The following AK5 variants were observed in gnomAD, a reference collection of about 807,000 sequenced individuals.
The protein encoded by AK5 is adenylate kinase 5.
AK5 carries 27 observed loss-of-function variants against 69.5 expected under a neutral mutation model. That is an observed-to-expected ratio of 0.39 (90% CI 0.29 to 0.54). The LOEUF is 0.54. Ranked by LOEUF, AK5 falls within the 20% of genes least tolerant of loss-of-function variation. The pLI, the probability that AK5 is intolerant of heterozygous loss-of-function variation, is 0.71. For synonymous variants in AK5, 260 were observed against 244.4 expected, an observed-to-expected ratio of 1.06 and a Z score of -0.60; for missense variants, 531 against 700.4, an observed-to-expected ratio of 0.76 and a Z score of 2.73.
intron 8 of AK5, among the ~76,000 whole-genome samples, chr1:77,477,337 T>C (rs1456462881): frequency 6.6e-6 from 1 of 152,192 alleles, no homozygotes; most frequent in Non-Finnish European, 1.5e-5. Flanking sequence ...CTGGTTGTTC[T>C]TTTTAAATTA....
At chr1:77,428,910 A>G (rs1570105325) in intron 8 of AK5, among the ~76,000 whole-genome samples, 2 of 152,286 alleles carry the variant, frequency 1.3e-5, no homozygotes, top group East Asian at 3.9e-4. Context: ...AGCTTCATCC[A>G]TGTCCCTACA....
rs79439159 is a variant in AK5, at chr1:77,460,735, T to C, written c.1060-22582T>C. On this transcript the variant is annotated intron_variant, in intron 8 of 13. Coordinates refer to ENST00000354567, the MANE Select transcript of AK5 (RefSeq NM_174858.3). Reference sequence around the variant, plus strand: ...CATTTTATGTGGAATTTTTTTTTTTTCTTTTTGAGACAGAGTCTCACCCTG... The same window carrying C: ...CATTTTATGTGGAATTTTTTTTTTTCCTTTTTGAGACAGAGTCTCACCCTG... Among the ~76,000 whole-genome samples, 34 of 149,208 alleles carry C rather than the reference T, an allele frequency of 2.3e-4. No homozygotes were observed. In the South Asian group the frequency reaches 4.6e-3, roughly 20 times the overall value.
chr1:77,358,108 A>G (rs1662643903), intron 6 of AK5, among the ~76,000 whole-genome samples: 1 of 151,946 alleles, frequency 6.6e-6, no homozygotes, highest in Non-Finnish European at 1.5e-5. Flanking sequence ...AGAAGAATAT[A>G]AGAAGAAAGT....
Position 77,417,664 on chromosome 1 carries a change from G to A in AK5, c.1008G>A (p.Met336Ile). 1.2e-6 allele frequency: 2 copies of A among 1,609,932 alleles called. No homozygotes were observed. The highest frequency in any genetic ancestry group is 1.7e-6 in the Non-Finnish European group (2 of 1,177,156). ...AAGSSDLDPS[M>I]ILDTGEIIDT... The stretch of plus-strand genomic sequence containing the variant: ...GTTCAAGTGACCTTGATCCTTCGAT[G>A]ATATTGGACACTGGAGAGATCATTG... The change falls in exon 8 of 14, where the codon ATG (methionine) becomes ATA (isoleucine). Residue 336 changes from methionine (M) to isoleucine (I), a missense_variant. Transcript: ENST00000354567.
rs150529091 is a variant in AK5 at position 77,298,653 on chromosome 1, CCA to C, written c.699+723_699+724del. Among the ~76,000 whole-genome samples the C allele has an allele frequency of 1.9e-3, 283 of 146,110 alleles. 1 individual carries two copies. The highest frequency in any genetic ancestry group is 3.2e-3 in the Non-Finnish European group (211 of 66,294). ...ACCCCATCTCTACAAAAAAAAAAAA[CCA>C]CACACACACACACACAAAATTAACC... On this transcript the variant is annotated intron_variant, in intron 5 of 13. Coordinates refer to ENST00000354567, the MANE Select transcript of AK5 (RefSeq NM_174858.3).
At chr1:77,385,011 A>T (rs1003784369) in intron 6 of AK5, among the ~76,000 whole-genome samples, 1 of 152,054 alleles carries the variant, frequency 6.6e-6, no homozygotes, top group South Asian at 2.1e-4. Flanking sequence ...CTATTCATCA[A>T]CAGCCAAAAT....
At chr1:77,324,089 C>T (rs968020949) in intron 5 of AK5, among the ~76,000 whole-genome samples, 4 of 152,102 alleles carry the variant, frequency 2.6e-5, no homozygotes, top group African/African-American at 7.2e-5. Flanking sequence ...TGAAAAGACC[C>T]GTTCTTATAA....
At chr1:77,404,482 A>G (rs1368180703) in intron 6 of AK5, among the ~76,000 whole-genome samples, 4 of 152,176 alleles carry the variant, frequency 2.6e-5, no homozygotes, top group Non-Finnish European at 5.9e-5. Context: ...TCCCTTCACC[A>G]TACACACAAC....
intron 8 of AK5, among the ~76,000 whole-genome samples, chr1:77,419,773 G>A (rs1037270190): frequency 5.3e-5 from 8 of 152,146 alleles, no homozygotes; most frequent in African/African-American, 1.7e-4. Flanking sequence ...TGATGGAGCC[G>A]AGGTTATTTT....
rs114860733 is a variant in AK5, at chr1:77,507,311, G to C, written c.1148-11253G>C. Among the ~76,000 whole-genome samples, 1,032 of 152,254 alleles carry C rather than the reference G, an allele frequency of 6.8e-3. 7 individuals carry two copies. The highest frequency in any genetic ancestry group is 0.011 in the Non-Finnish European group (750 of 68,000). ...TGCCCCACATATGAGAGGCTGTAGA[G>C]TTTAATGGTACCAGGACACAGTTGG... is the stretch of plus-strand genomic sequence containing the variant. On this transcript the variant is annotated intron_variant, in intron 10 of 13. Transcript: ENST00000354567.
At chr1:77,282,993 A>G in intron 1 of AK5, 2 of 985,490 alleles carry the variant, frequency 2.0e-6, no homozygotes, top group Non-Finnish European at 2.4e-6. Context: ...TTGCCTAGGA[A>G]GGGTTGGGCC....
intron 8 of AK5, among the ~76,000 whole-genome samples, chr1:77,438,319 A>AAAAAAAAAAG (rs1557593670): frequency 1.6e-5 from 1 of 61,246 alleles, no homozygotes; most frequent in Non-Finnish European, 5.0e-5. Context: ...AAAAAAAAAA[A>AAAAAAAAAAG]AAAAACAAGC....
At chr1:77,519,761 G>C (rs1457321901) in intron 11 of AK5, among the ~76,000 whole-genome samples, 1 of 146,712 alleles carries the variant, frequency 6.8e-6, no homozygotes, top group Non-Finnish European at 1.5e-5. Flanking sequence ...GCTGATGGGA[G>C]TGTAGCAGTG....
At chr1:77,527,829 G>A (rs1658373847) in intron 12 of AK5, among the ~76,000 whole-genome samples, 1 of 152,362 alleles carries the variant, frequency 6.6e-6, no homozygotes, top group East Asian at 1.9e-4. Context: ...GGAGGCCGAG[G>A]CGGGCAGATC....
intron 5 of AK5, among the ~76,000 whole-genome samples, chr1:77,310,674 C>G (rs754628728): frequency 2.0e-5 from 3 of 152,102 alleles, no homozygotes; most frequent in African/African-American, 4.8e-5. Flanking sequence ...AGCCACCGCA[C>G]CCGGCCCTAT....
chr1:77,331,977 A>G (rs1005709141), intron 5 of AK5, among the ~76,000 whole-genome samples: 5 of 152,204 alleles, frequency 3.3e-5, no homozygotes, highest in African/African-American at 1.2e-4. Context: ...TCATTCTGTC[A>G]CCCAGGCTGG....
At chr1:77,411,137 A>G in intron 7 of AK5, 66 bp downstream of exon 7, 2 of 1,368,006 alleles carry the variant, frequency 1.5e-6, no homozygotes, top group Non-Finnish European at 2.0e-6. Context: ...GGGGCTTTGT[A>G]TTAATGGTTG....
intron 7 of AK5, among the ~76,000 whole-genome samples, chr1:77,415,110 AC>A (rs1320390927): frequency 2.0e-5 from 3 of 152,324 alleles, no homozygotes; most frequent in East Asian, 1.9e-4. Context: ...TCAAAAAAAA[AC>A]AACATACATT....
At chr1:77,323,726 A>G (rs773705569) in intron 5 of AK5, among the ~76,000 whole-genome samples, 42 of 152,198 alleles carry the variant, frequency 2.8e-4, no homozygotes, top group Non-Finnish European at 2.4e-4. Context: ...CAAATATTCT[A>G]ATAAATATCA....
Sources: allele counts gnomAD v4.1 joint callset (sites outside exome capture counted in the v4.1 genomes callset), GRCh38; gene constraint gnomAD v4.1.1; transcripts MANE v1.5; gene names NCBI Gene and HGNC (gene_info 2026-07-23, HGNC 2026-07-21).